The following ALCAM variants were observed in gnomAD, a reference collection of about 807,000 sequenced individuals.
The protein encoded by ALCAM is CD166 antigen.
A neutral mutation model predicts 70.9 loss-of-function variants in ALCAM; 30 were observed. That is an observed-to-expected ratio of 0.42 (90% confidence interval 0.32 to 0.57). The LOEUF is 0.57. ALCAM is among the 20% of genes least tolerant of loss of function. The pLI is 0.11. For synonymous variants in ALCAM, 249 were observed against 242.5 expected, an observed-to-expected ratio of 1.03 and a Z score of -0.25; for missense variants, 591 against 695.1, an observed-to-expected ratio of 0.85 and a Z score of 1.68.
intron 9 of ALCAM, among the ~76,000 whole-genome samples, chr3:105,546,126 A>AC (rs1324575008): frequency 2.0e-5 from 3 of 151,374 alleles, no homozygotes; most frequent in African/African-American, 7.2e-5. Context: ...CGATCCCTCC[A>AC]CTTAAACCCT....
rs373181454 is a variant in ALCAM at position 105,514,419 on chromosome 3, C to T, written c.74-5648C>T. 2.6e-4 allele frequency among the ~76,000 whole-genome samples: 40 copies of T among 151,956 alleles called. No homozygotes were observed. In the South Asian group the frequency reaches 7.9e-3, roughly 30 times the overall value. ...CTGTGACGTATCCAGCCCCATAGAT[C>T]ATTTCATGCTTGTAGAATAACAAAC... On this transcript the variant is annotated intron_variant, in intron 1 of 15. Transcript: ENST00000306107.
chr3:105,395,258 T>C, intron 1 of ALCAM, among the ~76,000 whole-genome samples: 1 of 151,976 alleles, frequency 6.6e-6, no homozygotes, highest in Non-Finnish European at 1.5e-5. Context: ...ATGTTTTTAC[T>C]CTTCAGGTTG....
At chr3:105,475,046 A>G (rs1411155038) in intron 1 of ALCAM, among the ~76,000 whole-genome samples, 1 of 151,898 alleles carries the variant, frequency 6.6e-6, no homozygotes, top group Non-Finnish European at 1.5e-5. Flanking sequence ...GGTTCATCTC[A>G]TCATACAGTT....
intron 1 of ALCAM, among the ~76,000 whole-genome samples, chr3:105,495,817 C>T (rs1226539197): frequency 3.3e-5 from 5 of 152,172 alleles, no homozygotes; most frequent in Non-Finnish European, 7.3e-5. Context: ...AATTAAAAAT[C>T]ACAGTATTGT....
At chr3:105,516,595 A>G (rs896064856) in intron 1 of ALCAM, among the ~76,000 whole-genome samples, 3 of 152,130 alleles carry the variant, frequency 2.0e-5, no homozygotes, top group Non-Finnish European at 4.4e-5. Flanking sequence ...ATGCCTAAAT[A>G]ATTACACACT....
intron 14 of ALCAM, among the ~76,000 whole-genome samples, chr3:105,563,727 C>CCGGACTG (rs1228085016): frequency 8.6e-6 from 1 of 116,368 alleles, no homozygotes; most frequent in Non-Finnish European, 1.6e-5. Context: ...GTCGCCCAGG[C>CCGGACTG]CGGACTGCGG....
At chr3:105,567,382 A>G (rs1940767061) in intron 14 of ALCAM, among the ~76,000 whole-genome samples, 1 of 150,810 alleles carries the variant, frequency 6.6e-6, no homozygotes, top group African/African-American at 2.4e-5. Context: ...GTATGTCAGC[A>G]TATGTTAGCC....
intron 6 of ALCAM, among the ~76,000 whole-genome samples, chr3:105,536,600 A>G (rs1456670668): frequency 1.3e-5 from 2 of 152,168 alleles, no homozygotes; most frequent in Admixed American, 1.3e-4. Flanking sequence ...TGATTTTATC[A>G]TGCTGGCTGT....
At chr3:105,568,377 C>A (rs1046752269) in intron 14 of ALCAM, among the ~76,000 whole-genome samples, 2 of 152,094 alleles carry the variant, frequency 1.3e-5, no homozygotes, top group Admixed American at 1.3e-4. Flanking sequence ...AGGTGTGAGC[C>A]ACTGAGCCCA....
At chr3:105,411,848 T>C (rs1936397453) in intron 1 of ALCAM, among the ~76,000 whole-genome samples, 2 of 152,024 alleles carry the variant, frequency 1.3e-5, no homozygotes, top group Admixed American at 1.3e-4. Flanking sequence ...CCTCTGTGTT[T>C]AGGATCCCAT....
intron 14 of ALCAM, among the ~76,000 whole-genome samples, chr3:105,566,953 T>A (rs574763156): frequency 6.6e-6 from 1 of 152,308 alleles, no homozygotes; most frequent in Non-Finnish European, 1.5e-5. Flanking sequence ...CTGGTGATAC[T>A]TTTTTCTACT....
intron 14 of ALCAM, among the ~76,000 whole-genome samples, chr3:105,566,451 A>G (rs1210169498): frequency 1.3e-5 from 2 of 152,138 alleles, no homozygotes; most frequent in Non-Finnish European, 2.9e-5. Flanking sequence ...ATCTCTCATT[A>G]TCTCTGATAA....
chr3:105,499,816 A>G (rs977905279), intron 1 of ALCAM, among the ~76,000 whole-genome samples: 7 of 152,316 alleles, frequency 4.6e-5, no homozygotes, highest in Non-Finnish European at 8.8e-5. Flanking sequence ...ACCCAAAACT[A>G]TCTAAGTACA....
At chr3:105,542,867 C>G (rs886275131) in intron 8 of ALCAM, among the ~76,000 whole-genome samples, 3 of 151,694 alleles carry the variant, frequency 2.0e-5, no homozygotes, top group Non-Finnish European at 2.9e-5. Flanking sequence ...GGCCATTTCT[C>G]CATTTACTCC....
chr3:105,520,021 T>G, intron 1 of ALCAM, 46 bp from the exon 2 acceptor site: 3 of 1,290,750 alleles, frequency 2.3e-6, no homozygotes, highest in South Asian at 1.4e-5. Context: ...TAAAATTTTG[T>G]TCTCTCTCTC....
Position 105,524,402 on chromosome 3 carries a change from C to T in ALCAM, c.288C>T (p.Tyr96=). 1.2e-6 allele frequency: 2 copies of T among 1,614,158 alleles called. No homozygotes were observed. Among genetic ancestry groups the T allele is most frequent in the South Asian group, 1.1e-5 (1 of 91,088 alleles). The change falls in exon 3 of 16, where the codon TAC becomes TAT. Residue 96 remains tyrosine, a synonymous_variant. Coordinates refer to ENST00000306107, the MANE Select transcript of ALCAM (RefSeq NM_001627.4). The part of the protein sequence containing the change: ...YKDRLNLSEN[Y]TLSISNARIS... ...ACAGATTGAACCTCTCAGAAAACTA[C>T]ACTTTGTCTATCAGTAATGCAAGGA...
intron 1 of ALCAM, among the ~76,000 whole-genome samples, chr3:105,415,066 CGAATGACTTGT>C (rs1423080657): frequency 2.0e-5 from 3 of 152,068 alleles, no homozygotes; most frequent in African/African-American, 7.2e-5. Context: ...AACAGTGTTT[CGAATGACTTGT>C]AAGTCTAGCA....
chr3:105,399,304 C>T (rs1009645885), intron 1 of ALCAM, among the ~76,000 whole-genome samples: 17 of 151,960 alleles, frequency 1.1e-4, no homozygotes, highest in African/African-American at 3.9e-4. Context: ...AAATTGCATG[C>T]CTGTTACCTT....
At chr3:105,525,120 A>C (rs1939662323) in intron 3 of ALCAM, 5 of 981,078 alleles carry the variant, frequency 5.1e-6, no homozygotes, top group Non-Finnish European at 6.1e-6. Flanking sequence ...TTTAGATTTC[A>C]AAAAGTATTC....
Sources: allele counts gnomAD v4.1 joint callset (sites outside exome capture counted in the v4.1 genomes callset), GRCh38; gene constraint gnomAD v4.1.1; transcripts MANE v1.5; gene names NCBI Gene and HGNC (gene_info 2026-07-23, HGNC 2026-07-21).